The following C3orf18 variants were observed in gnomAD, a reference collection of about 807,000 sequenced individuals.
C3orf18 encodes the protein chromosome 3 open reading frame 18.
In C3orf18, 12 loss-of-function variants were observed where a neutral mutation model predicts 14.1. The ratio of observed to expected loss-of-function variants is 0.85; its 90% CI spans 0.55 to 1.38. The LOEUF (loss-of-function observed/expected upper bound fraction) is 1.38, where lower values mean the gene tolerates loss of function less well. C3orf18 is among the 40% of genes most tolerant of loss of function. C3orf18 has a pLI of 0.00. For synonymous variants in C3orf18, 82 were observed against 87.9 expected (o/e 0.93, Z 0.38); for missense variants, 196 against 213.9 (o/e 0.92, Z 0.52).
At position 50,566,675 on chromosome 3, in the gene C3orf18, G is replaced by A. The variant is rs546289576; in HGVS notation, c.-251-581C>T. ...GAGAGAGAGGCTCTGGTTCTCTGGCGGGGCTTCTCCGCAGGCTCTCGGGGA... is the reference window on the plus strand; with the variant it reads ...GAGAGAGAGGCTCTGGTTCTCTGGCAGGGCTTCTCCGCAGGCTCTCGGGGA... On this transcript the variant is annotated intron_variant, in intron 1 of 5. Transcript: ENST00000357203. Among the ~76,000 whole-genome samples, 6 of 152,198 alleles carry A rather than the reference G, an allele frequency of 3.9e-5. No homozygotes were observed. The East Asian group carries it at 5.8e-4, about 15-fold the overall frequency.
At chr3:50,561,482 C>CA (rs1460440524) in intron 4 of C3orf18, among the ~76,000 whole-genome samples, 1 of 152,194 alleles carries the variant, frequency 6.6e-6, no homozygotes, top group Non-Finnish European at 1.5e-5. Context: ...CTGCCATCCC[C>CA]AGTCCCAGGA....
rs1315202186 is a variant in C3orf18 at position 50,565,942 on chromosome 3, A to G, written c.-163+64T>C. ...TGAAGTCTCTCTAGGTTCTGAAAGC[A>G]CTGGGGAGGTAAAGGTTTGAGGGCA... On this transcript the variant is annotated intron_variant, in intron 2 of 5. Transcript: ENST00000357203. This position sits in a 1 kb window ranked among gnomAD's most constrained non-coding sequence, Gnocchi z 4.4. 5 of 543,340 alleles carry G rather than the reference A, an allele frequency of 9.2e-6. No homozygotes were observed. The highest frequency in any genetic ancestry group is 4.5e-5 in the South Asian group (2 of 44,262). The allele number at this position is 543,340 out of a possible 1,614,324, so 33.7% of individuals were successfully genotyped here.
At position 50,565,977 on chromosome 3, in the gene C3orf18, G is replaced by A; in HGVS notation, c.-163+29C>T. 1 of 484,636 alleles carries A rather than the reference G, an allele frequency of 2.1e-6. No individual in the cohort carries two copies. The highest frequency in any genetic ancestry group is 2.5e-5 in the South Asian group (1 of 40,284). 30.0% of individuals were successfully genotyped at this position (484,636 alleles called of 1,614,324 possible). On this transcript the variant is annotated intron_variant, in intron 2 of 5. Coordinates refer to ENST00000357203, the MANE Select transcript of C3orf18 (RefSeq NM_016210.5). This position sits in a 1 kb window ranked among gnomAD's most constrained non-coding sequence, Gnocchi z 4.4. ...TAAAGGTTTGAGGGCAAGAATGAGG[G>A]TAAGTTCAGGAGACATTAGGACACA...
chr3:50,572,254 T>G, upstream of C3orf18: 1 of 1,571,886 alleles, frequency 6.4e-7, no homozygotes, highest in Non-Finnish European at 8.7e-7. Flanking sequence ...GATGGTGGAG[T>G]TCAGGGCACC....
In C3orf18 at chr3:50,559,486, C is replaced by G; in HGVS notation, c.*171G>C. The G allele has an allele frequency of 7.0e-7, 1 of 1,428,832 alleles. No homozygotes were observed. Among genetic ancestry groups the G allele is most frequent in the East Asian group, 2.6e-5 (1 of 38,674 alleles). 88.5% of individuals were successfully genotyped at this position (1,428,832 alleles called of 1,614,324 possible). On this transcript the variant is annotated 3_prime_UTR_variant, in exon 6 of 6. Coordinates refer to ENST00000357203, the MANE Select transcript of C3orf18 (RefSeq NM_016210.5). ...AAGTCCAGCCTGGCTAGGGCCCTCT[C>G]TTAGAGTCTAAAGTCAGCAGGTGGG... is the stretch of plus-strand genomic sequence containing the variant.
Position 50,558,079 on chromosome 3 carries a change from G to T in C3orf18, c.*1578C>A, listed in dbSNP as rs1210382104. 1 of 153,270 alleles carries T rather than the reference G, an allele frequency of 6.5e-6. No homozygotes were observed. Among genetic ancestry groups the T allele is most frequent in the Non-Finnish European group, 1.5e-5 (1 of 68,556 alleles). The allele number at this position is 153,270 out of a possible 1,614,324, so 9.5% of individuals were successfully genotyped here. On this transcript the variant is annotated 3_prime_UTR_variant, in exon 6 of 6. Coordinates refer to ENST00000357203, the MANE Select transcript of C3orf18 (RefSeq NM_016210.5). ...ATGCTCTCACGTGGAGCTGCTCTGG[G>T]TTAAATTACAGCTGTATGCATCCTG... is the stretch of plus-strand genomic sequence containing the variant.
chr3:50,562,641 G>A (rs1245905418), intron 3 of C3orf18: 3 of 431,580 alleles, frequency 7.0e-6, no homozygotes, highest in South Asian at 3.4e-5. Context: ...TCTGTAGCGT[G>A]TAGAGCAGTG....
upstream of C3orf18, chr3:50,572,196 G>GC (rs1701065867): frequency 6.2e-7 from 1 of 1,613,382 alleles, no homozygotes; most frequent in African/African-American, 1.3e-5. Flanking sequence ...TTATTCCTCG[G>GC]CCAGAAACAG....
chr3:50,572,299 G>A (rs1701089487), upstream of C3orf18: 2 of 1,462,996 alleles, frequency 1.4e-6, no homozygotes, highest in Non-Finnish European at 1.9e-6. Flanking sequence ...GGGGCACTGG[G>A]GCCCCATGAC....
chr3:50,572,169 G>T (rs1252178960), upstream of C3orf18: 2 of 1,613,978 alleles, frequency 1.2e-6, no homozygotes, highest in Non-Finnish European at 1.7e-6. Flanking sequence ...TCAGCCTAAG[G>T]ATGGTGCCCC....
chr3:50,558,419 C>T lies in C3orf18; in HGVS notation c.*1238G>A. The T allele has an allele frequency of 6.6e-6, 2 of 304,466 alleles. No individual in the cohort carries two copies. The highest frequency in any genetic ancestry group is 5.8e-5 in the South Asian group (2 of 34,262). The allele number at this position is 304,466 out of a possible 1,614,324, so 18.9% of individuals were successfully genotyped here. A position where few individuals can be genotyped will look rare whatever the true frequency, so the allele number is the denominator to read the frequency against. On this transcript the variant is annotated 3_prime_UTR_variant, in exon 6 of 6. Coordinates refer to ENST00000357203, the MANE Select transcript of C3orf18 (RefSeq NM_016210.5). ...GCTTGCCAGGACCCCTGGTATCAGC[C>T]CTGACCCTCCAAGGCTTATGGAGAG...
chr3:50,570,255 TTTATC>T (rs1173235724), upstream of C3orf18: 1 of 152,204 alleles, frequency 6.6e-6, no homozygotes, highest in Non-Finnish European at 1.5e-5. Context: ...AGTTTGGACT[TTTATC>T]TGGAAGCAAA....
intron 3 of C3orf18, chr3:50,561,982 C>T (rs1194738935): frequency 8.3e-6 from 5 of 603,588 alleles, no homozygotes; most frequent in Non-Finnish European, 1.5e-5. Context: ...TCACTGCAAC[C>T]TTCGCCTCCA....
chr3:50,561,588 C>T (rs1416309359), intron 4 of C3orf18, 134 bp downstream of exon 4: 5 of 824,550 alleles, frequency 6.1e-6, no homozygotes, highest in Non-Finnish European at 7.9e-6. Flanking sequence ...GGAAAGTGGT[C>T]ACCCCCAACC....
upstream of C3orf18, chr3:50,571,325 C>T (rs1700927543): frequency 6.3e-7 from 1 of 1,586,540 alleles, no homozygotes; most frequent in African/African-American, 1.3e-5. Flanking sequence ...GTCCTTGGAG[C>T]CAAAACAGTT....
Position 50,567,632 on chromosome 3 carries a change from C to T in C3orf18, c.-421G>A, listed in dbSNP as rs912877711. The T allele has an allele frequency of 6.6e-6, 1 of 152,266 alleles. No individual in the cohort carries two copies. Among genetic ancestry groups the T allele is most frequent in the African/African-American group, 2.4e-5 (1 of 41,468 alleles). 9.4% of individuals were successfully genotyped at this position (152,266 alleles called of 1,614,324 possible). A position where few individuals can be genotyped will look rare whatever the true frequency, so the allele number is the denominator to read the frequency against. On this transcript the variant is annotated 5_prime_UTR_variant, in exon 1 of 6. The change creates a new upstream start codon in the 5' untranslated region. Transcript: ENST00000357203. ...CGCTGGCCAGGCCCGCTACTGCGCA[C>T]CAGCCGCATCCGCGAGCGCTGGCTC...
upstream of C3orf18, among the ~76,000 whole-genome samples, chr3:50,573,934 G>A (rs1383720118): frequency 2.0e-5 from 3 of 152,220 alleles, no homozygotes; most frequent in African/African-American, 4.8e-5. Flanking sequence ...CTGTGAGGCT[G>A]TACAGGTTGT....
chr3:50,563,341 A>C, intron 3 of C3orf18, among the ~76,000 whole-genome samples: 1 of 148,194 alleles, frequency 6.7e-6, no homozygotes, highest in Admixed American at 6.7e-5. Flanking sequence ...TGTGGTCCCC[A>C]CCTCTCAGCC....
rs112637491 is a variant in C3orf18 at position 50,566,739 on chromosome 3, C to T, written c.-251-645G>A. Among the ~76,000 whole-genome samples the T allele has an allele frequency of 6.8e-3, 1,029 of 152,266 alleles. 8 individuals carry two copies. The highest frequency in any genetic ancestry group is 0.023 in the African/African-American group (962 of 41,528). On this transcript the variant is annotated intron_variant, in intron 1 of 5. Transcript: ENST00000357203. ...TCCCCACCCACCAACAATAGAGGGG[C>T]TGCTAGGGTCAAGGAGAAAGGCGAG...
Sources: allele counts gnomAD v4.1 joint callset (sites outside exome capture counted in the v4.1 genomes callset), GRCh38; gene constraint gnomAD v4.1.1; non-coding constraint Gnocchi (gnomAD v3.1); transcripts MANE v1.5; gene names NCBI Gene and HGNC (gene_info 2026-07-23, HGNC 2026-07-21).